PRKCA: variants seen among roughly 807,000 people sequenced by gnomAD.
PRKCA encodes protein kinase C alpha.
PRKCA carries 27 observed loss-of-function variants against 87.0 expected under a neutral mutation model. That is an observed-to-expected ratio of 0.31 (90% CI 0.23 to 0.43). The LOEUF (loss-of-function observed/expected upper bound fraction) is 0.43, where lower values mean the gene tolerates loss of function less well. Among genes scored for constraint, PRKCA ranks in the 20% least tolerant of loss-of-function variants. The pLI is 1.00. For synonymous variants in PRKCA, 329 were observed against 311.1 expected (o/e 1.06, Z -0.61); for missense variants, 518 against 852.3 (o/e 0.61, Z 4.88).
At chr17:66,379,879 A>G (rs1909686561) in intron 2 of PRKCA, among the ~76,000 whole-genome samples, 1 of 152,240 alleles carries the variant, frequency 6.6e-6, no homozygotes, top group African/African-American at 2.4e-5. Flanking sequence ...TTTCGAGTTA[A>G]TTTTTGAGGT....
chr17:66,720,010 C>T (rs1170374055), intron 8 of PRKCA, among the ~76,000 whole-genome samples: 1 of 152,230 alleles, frequency 6.6e-6, no homozygotes, highest in East Asian at 1.9e-4. Context: ...CCCCAAACAC[C>T]ATCCTAGGCA....
At chr17:66,787,925 C>T (rs1450008088) in intron 15 of PRKCA, among the ~76,000 whole-genome samples, 1 of 152,210 alleles carries the variant, frequency 6.6e-6, no homozygotes, top group Non-Finnish European at 1.5e-5. Context: ...AACACACCAT[C>T]GTTTCCTTAT....
At chr17:66,385,982 A>T (rs951327659) in intron 2 of PRKCA, among the ~76,000 whole-genome samples, 5 of 151,212 alleles carry the variant, frequency 3.3e-5, no homozygotes, top group Non-Finnish European at 7.4e-5. Flanking sequence ...CTGGTCTTGA[A>T]CTCCTGACCT....
At chr17:66,708,881 C>A (rs1218981510) in intron 8 of PRKCA, among the ~76,000 whole-genome samples, 1 of 152,120 alleles carries the variant, frequency 6.6e-6, no homozygotes, top group East Asian at 1.9e-4. Flanking sequence ...AGATCGCTAT[C>A]CTAAAATAGA....
rs539293495 is a variant in PRKCA at position 66,480,912 on chromosome 17, C to T, written c.206-15289C>T. Among the ~76,000 whole-genome samples the T allele has an allele frequency of 2.6e-5, 4 of 152,190 alleles. No individual in the cohort carries two copies. The South Asian group carries it at 8.4e-4, about 32-fold the overall frequency. On this transcript the variant is annotated intron_variant, in intron 2 of 16. Transcript: ENST00000413366. The stretch of plus-strand genomic sequence containing the variant: ...TTTCTTGGTCAATGTGAATTGCGTT[C>T]CTTCCCCCGGTGCTTGATTTTCCTT...
chr17:66,307,799 G>A (rs1273138895), intron 2 of PRKCA, among the ~76,000 whole-genome samples: 1 of 152,062 alleles, frequency 6.6e-6, no homozygotes, highest in Admixed American at 6.5e-5. Flanking sequence ...TTAAAAAAGT[G>A]AAACCCATAA....
chr17:66,326,532 C>CT (rs1905993182), intron 2 of PRKCA, among the ~76,000 whole-genome samples: 1 of 152,222 alleles, frequency 6.6e-6, no homozygotes, highest in Non-Finnish European at 1.5e-5. Flanking sequence ...TAATTCAACT[C>CT]TAACACTTTA....
At chr17:66,535,819 GCCCCCACAGCTGTGGGGTTGTA>G (rs1428305256) in intron 3 of PRKCA, among the ~76,000 whole-genome samples, 1 of 152,124 alleles carries the variant, frequency 6.6e-6, no homozygotes, top group East Asian at 1.9e-4. Flanking sequence ...CTAATGAGGG[GCCCCCACAGCTGTGGGGTTGTA>G]TCATCTAAGC....
rs115710056 is a variant in PRKCA at position 66,481,761 on chromosome 17, G to A, written c.206-14440G>A. Among the ~76,000 whole-genome samples, 1,381 of 152,224 alleles carry A rather than the reference G, an allele frequency of 9.1e-3. 15 individuals carry two copies. The highest frequency in any genetic ancestry group is 0.032 in the African/African-American group (1,310 of 41,522). Reference sequence around the variant, plus strand: ...TGGCCTTCAACTAGGAGCTTCATGCGTGTCTGTGGAAGGAGTGACCAATGG... The same window carrying A: ...TGGCCTTCAACTAGGAGCTTCATGCATGTCTGTGGAAGGAGTGACCAATGG... On this transcript the variant is annotated intron_variant, in intron 2 of 16. Transcript: ENST00000413366.
At chr17:66,441,276 C>T (rs575969362) in intron 2 of PRKCA, among the ~76,000 whole-genome samples, 65 of 151,032 alleles carry the variant, frequency 4.3e-4, no homozygotes, top group Admixed American at 3.0e-3. Context: ...GCCAGGAGTT[C>T]GAGATTGCAG....
chr17:66,787,231 C>T (rs1975422954), intron 15 of PRKCA: 1 of 643,722 alleles, frequency 1.6e-6, no homozygotes. Flanking sequence ...TGGCTGCTTT[C>T]ACTCAATATG....
chr17:66,444,637 C>A (rs1347934263), intron 2 of PRKCA, among the ~76,000 whole-genome samples: 1 of 152,088 alleles, frequency 6.6e-6, no homozygotes, highest in Non-Finnish European at 1.5e-5. Flanking sequence ...GGGGGTGTCA[C>A]AAGGCTTATC....
intron 3 of PRKCA, among the ~76,000 whole-genome samples, chr17:66,537,605 C>A (rs1967831989): frequency 6.6e-6 from 1 of 152,202 alleles, no homozygotes; most frequent in Admixed American, 6.5e-5. Flanking sequence ...AGACACAAAT[C>A]TGATGGAACT....
intron 2 of PRKCA, among the ~76,000 whole-genome samples, chr17:66,310,098 T>G (rs1905020527): frequency 6.6e-6 from 1 of 152,166 alleles, no homozygotes; most frequent in South Asian, 2.1e-4. Context: ...CATGCACTTC[T>G]CTAATTACAG....
chr17:66,535,504 G>A (rs1967746777), intron 3 of PRKCA, among the ~76,000 whole-genome samples: 2 of 152,138 alleles, frequency 1.3e-5, no homozygotes. Flanking sequence ...CTGCCAAACA[G>A]GCCTCTAACT....
At chr17:66,426,966 T>C (rs937651943) in intron 2 of PRKCA, among the ~76,000 whole-genome samples, 1 of 152,192 alleles carries the variant, frequency 6.6e-6, no homozygotes, top group Non-Finnish European at 1.5e-5. Context: ...GTAAGATTAT[T>C]AACCTTTATT....
At chr17:66,738,673 T>C (rs1016373047) in intron 10 of PRKCA, 91 bp from the exon 11 acceptor site, 1 of 996,142 alleles carries the variant, frequency 1.0e-6, no homozygotes, top group African/African-American at 1.6e-5. Context: ...CCCATTTAAC[T>C]AATGAGAAAG....
At chr17:66,458,460 G>C (rs755409016) in intron 2 of PRKCA, among the ~76,000 whole-genome samples, 3 of 148,350 alleles carry the variant, frequency 2.0e-5, no homozygotes, top group Non-Finnish European at 4.4e-5. Context: ...TTTCAGGTTT[G>C]TCTTCTTTTT....
rs1968776226 is a variant in PRKCA at position 66,563,379 on chromosome 17, T to C, written c.288+67096T>C. Among the ~76,000 whole-genome samples, 2 of 152,200 alleles carry C rather than the reference T, an allele frequency of 1.3e-5. 1 individual carries two copies. On this transcript the variant is annotated intron_variant, in intron 3 of 16. Transcript: ENST00000413366. The stretch of plus-strand genomic sequence containing the variant: ...GCCCCTGATCCTTCTATTGCCTCCA[T>C]AGTTTTTCCTTTTCTGGAATGTCAT...
Sources: gnomAD v4.1 joint callset for allele counts (sites outside exome capture counted in the v4.1 genomes callset) on GRCh38, gnomAD v4.1.1 for gene constraint, MANE v1.5 for transcripts, NCBI Gene and HGNC (gene_info 2026-07-23, HGNC 2026-07-21) for gene names.